ATP8B4: variants seen among roughly 807,000 people sequenced by gnomAD.
The protein encoded by ATP8B4 is probable phospholipid-transporting ATPase IM.
A neutral mutation model predicts 145.6 loss-of-function variants in ATP8B4; 133 were observed. That is an observed-to-expected ratio of 0.91 (90% CI 0.79 to 1.05). The LOEUF (loss-of-function observed/expected upper bound fraction) is 1.05. Among genes scored for constraint, ATP8B4 ranks in the 50% least tolerant of loss-of-function variants. The probability of loss-of-function intolerance (pLI) is 0.00; values close to 1 mark genes in which losing one functional copy is unlikely to be tolerated. For missense variants in ATP8B4, 1,458 were observed against 1,425.2 expected (o/e 1.02, Z -0.37); for synonymous variants, 507 against 492.9 (o/e 1.03, Z -0.38).
chr15:50,012,521 T>C (rs963180007), intron 6 of ATP8B4, among the ~76,000 whole-genome samples: 1 of 152,172 alleles, frequency 6.6e-6, no homozygotes, highest in African/African-American at 2.4e-5. Context: ...CAATCCAAAC[T>C]ACTTCATCAA....
At chr15:49,910,093 A>G (rs1336284899) in intron 20 of ATP8B4, among the ~76,000 whole-genome samples, 2 of 152,212 alleles carry the variant, frequency 1.3e-5, no homozygotes, top group Non-Finnish European at 2.9e-5. Context: ...AACAATACAA[A>G]GAAATGAAAA....
At chr15:50,067,243 G>A (rs543903625) in intron 3 of ATP8B4, among the ~76,000 whole-genome samples, 53 of 152,150 alleles carry the variant, frequency 3.5e-4, no homozygotes, top group African/African-American at 1.3e-3. Flanking sequence ...TGGGGATTTG[G>A]CCTATTTTAT....
At chr15:49,905,785 A>G (rs2038549343) in intron 20 of ATP8B4, among the ~76,000 whole-genome samples, 1 of 152,206 alleles carries the variant, frequency 6.6e-6, no homozygotes, top group South Asian at 2.1e-4. Context: ...CATTACACAA[A>G]CACTATTACA....
intron 1 of ATP8B4, among the ~76,000 whole-genome samples, chr15:50,180,841 A>T (rs2044835639): frequency 6.6e-6 from 1 of 152,110 alleles, no homozygotes; most frequent in Non-Finnish European, 1.5e-5. Flanking sequence ...GTTACTAGGG[A>T]TACGAAAAGG....
At chr15:50,149,419 T>C (rs1166880233) in intron 1 of ATP8B4, among the ~76,000 whole-genome samples, 1 of 152,108 alleles carries the variant, frequency 6.6e-6, no homozygotes, top group East Asian at 1.9e-4. Context: ...AAACAGTTTA[T>C]AAGGAAACAA....
rs150420114 is a variant in ATP8B4 at position 49,859,162 on chromosome 15, T to G, written c.*1032A>C. The G allele has an allele frequency of 6.6e-6, 1 of 152,366 alleles. No homozygotes were observed. Among genetic ancestry groups the G allele is most frequent in the African/African-American group, 2.4e-5 (1 of 41,586 alleles). 9.4% of individuals were successfully genotyped at this position (152,366 alleles called of 1,614,324 possible). A position where few individuals can be genotyped will look rare whatever the true frequency, so the allele number is the denominator to read the frequency against. ...AACAACCTTACCTACATATGTTTAC[T>G]ACATGTTTGAATTATAAACATGACA... On this transcript the variant is annotated 3_prime_UTR_variant, in exon 28 of 28. Coordinates refer to ENST00000284509, the MANE Select transcript of ATP8B4 (RefSeq NM_024837.4).
intron 1 of ATP8B4, among the ~76,000 whole-genome samples, chr15:50,155,582 T>C (rs2044400073): frequency 6.6e-6 from 1 of 152,182 alleles, no homozygotes; most frequent in Non-Finnish European, 1.5e-5. Flanking sequence ...AATTAGTATA[T>C]ATTTTACATA....
intron 1 of ATP8B4, among the ~76,000 whole-genome samples, chr15:50,138,771 G>A (rs1021951963): frequency 6.6e-6 from 1 of 151,884 alleles, no homozygotes; most frequent in African/African-American, 2.4e-5. Context: ...TCCCTTTATT[G>A]TTCTCTTATA....
intron 13 of ATP8B4, 59 bp downstream of exon 13, chr15:49,972,523 G>A: frequency 5.2e-6 from 8 of 1,525,538 alleles, no homozygotes; most frequent in Non-Finnish European, 7.1e-6. Context: ...TTTTAATGGG[G>A]TCAGTTATTC....
chr15:49,861,343 G>A (rs115175843), intron 27 of ATP8B4, among the ~76,000 whole-genome samples: 3,260 of 151,854 alleles, frequency 0.021, 126 homozygotes, highest in African/African-American at 0.075. Context: ...GAATTTTTCC[G>A]GAAGGAATCT....
intron 10 of ATP8B4, among the ~76,000 whole-genome samples, chr15:49,984,432 C>CA (rs1288668240): frequency 6.6e-6 from 1 of 152,004 alleles, no homozygotes; most frequent in Non-Finnish European, 1.5e-5. Flanking sequence ...ATAGGGGAAA[C>CA]AAAAGGTTAG....
At chr15:49,974,081 C>CTTTT (rs5812500) in intron 12 of ATP8B4, among the ~76,000 whole-genome samples, 4 of 126,724 alleles carry the variant, frequency 3.2e-5, no homozygotes, top group South Asian at 2.5e-4. Context: ...TATCATTTGT[C>CTTTT]TTTTTTTTTT....
chr15:50,135,342 A>G (rs572659475), intron 1 of ATP8B4, among the ~76,000 whole-genome samples: 3 of 152,248 alleles, frequency 2.0e-5, no homozygotes, highest in South Asian at 4.1e-4. Context: ...TAGTTTTTCC[A>G]TATTGCTCTC....
At chr15:49,920,199 T>TA in intron 18 of ATP8B4, 47 bp downstream of exon 18, 1 of 1,594,854 alleles carries the variant, frequency 6.3e-7, no homozygotes, top group Admixed American at 1.7e-5. Context: ...TCTAAACACA[T>TA]ACTATCTTTC....
chr15:49,897,538 G>A (rs1321092083), intron 22 of ATP8B4, 23 bp from the exon 23 acceptor site: 1 of 1,471,618 alleles, frequency 6.8e-7, no homozygotes. Context: ...GAGGAACACT[G>A]TCACTCCCAA....
intron 14 of ATP8B4, among the ~76,000 whole-genome samples, chr15:49,944,853 T>C (rs1484023415): frequency 2.0e-5 from 3 of 152,166 alleles, no homozygotes; most frequent in Non-Finnish European, 4.4e-5. Context: ...ATTAAGATTA[T>C]GTCAAATATA....
chr15:49,866,460 T>A lies in ATP8B4; in HGVS notation c.3052A>T (p.Thr1018Ser). The change falls in exon 26 of 28, where the codon ACT (threonine) becomes TCT (serine). Residue 1018 changes from threonine to serine, a missense_variant. Transcript: ENST00000284509. ...VQIALDTSYW[T>S]FINHVFIWGS... Reference sequence around the variant, plus strand: ...CAGATGAAGACGTGATTAATGAAAGTCCAGTAACTGGTATCCAAGGCTATC... The same window carrying A: ...CAGATGAAGACGTGATTAATGAAAGACCAGTAACTGGTATCCAAGGCTATC... The A allele has an allele frequency of 6.2e-7, 1 of 1,613,804 alleles. No homozygotes were observed. Among genetic ancestry groups the A allele is most frequent in the Non-Finnish European group, 8.5e-7 (1 of 1,179,708 alleles).
chr15:50,032,327 T>C, intron 6 of ATP8B4, among the ~76,000 whole-genome samples: 1 of 152,222 alleles, frequency 6.6e-6, no homozygotes, highest in East Asian at 1.9e-4. Context: ...GAATAATGGC[T>C]TCCAGCTTCA....
intron 16 of ATP8B4, among the ~76,000 whole-genome samples, chr15:49,930,588 A>G (rs1329763149): frequency 6.6e-6 from 1 of 152,024 alleles, no homozygotes; most frequent in African/African-American, 2.4e-5. Context: ...GTTCACAACA[A>G]CTGTCATGTG....
Sources: allele counts gnomAD v4.1 joint callset (sites outside exome capture counted in the v4.1 genomes callset), GRCh38; gene constraint gnomAD v4.1.1; transcripts MANE v1.5; gene names NCBI Gene and HGNC (gene_info 2026-07-23, HGNC 2026-07-21).